Variants in DYNLRB2 observed in about 807,000 individuals in gnomAD.
DYNLRB2 encodes dynein light chain roadblock-type 2.
In DYNLRB2, 14 loss-of-function variants were observed where a neutral mutation model predicts 12.6. The observed-to-expected ratio is 1.11, with a 90% CI of 0.73 to 1.73. The LOEUF (loss-of-function observed/expected upper bound fraction) is 1.73, where lower values mean the gene tolerates loss of function less well. DYNLRB2 is among the 40% of genes most tolerant of loss of function. The pLI, the probability that DYNLRB2 is intolerant of heterozygous loss-of-function variation, is 0.00. For missense variants in DYNLRB2, 142 were observed against 117.7 expected (o/e 1.21, Z -0.95); for synonymous variants, 53 against 37.0 (o/e 1.43, Z -1.57).
chr16:80,545,833 G>T lies in DYNLRB2; in HGVS notation c.79+2482G>T, dbSNP rs528347669. 1.2e-4 allele frequency among the ~76,000 whole-genome samples: 11 copies of T among 92,764 alleles called. No individual in the cohort carries two copies. In the East Asian group the frequency reaches 3.1e-3, roughly 26 times the overall value. The allele number at this position is 92,764 out of a possible 152,430, so 60.9% of individuals were successfully genotyped here. A position where few individuals can be genotyped will look rare whatever the true frequency, so the allele number is the denominator to read the frequency against. On this transcript the variant is annotated intron_variant, in intron 2 of 3. Coordinates refer to ENST00000305904, the MANE Select transcript of DYNLRB2 (RefSeq NM_130897.3). ...TGGGACTACAGGCACCCGCCACCAC[G>T]CCTGGCTAATTTTTTGTTTTTTTTT...
chr16:80,546,447 AT>A (rs1904473716), intron 2 of DYNLRB2, among the ~76,000 whole-genome samples: 1 of 152,186 alleles, frequency 6.6e-6, no homozygotes, highest in Non-Finnish European at 1.5e-5. Context: ...ATGCTTATTC[AT>A]TTAGATATCA....
At position 80,550,807 on chromosome 16, in the gene DYNLRB2, A is replaced by T; in HGVS notation, c.*249A>T. The T allele has an allele frequency of 3.9e-6, 2 of 514,172 alleles. No individual in the cohort carries two copies. Among genetic ancestry groups the T allele is most frequent in the Non-Finnish European group, 6.9e-6 (2 of 291,318 alleles). The allele number at this position is 514,172 out of a possible 1,614,324, so 31.9% of individuals were successfully genotyped here. ...TATAATACACAAAACCAAGGATTCT[A>T]CTAAGACAGCGCTCCTTGTGATAAT... On this transcript the variant is annotated 3_prime_UTR_variant, in exon 4 of 4. Transcript: ENST00000305904.
intron 2 of DYNLRB2, 30 bp from the exon 3 acceptor site, chr16:80,549,454 A>T: frequency 6.5e-7 from 1 of 1,549,024 alleles, no homozygotes; most frequent in Non-Finnish European, 8.7e-7. Flanking sequence ...AATCAGAAAA[A>T]ATATTAACCA....
At position 80,541,424 on chromosome 16, in the gene DYNLRB2, G is replaced by A. The variant is rs367568029; in HGVS notation, c.3+345G>A. The A allele has an allele frequency of 2.9e-4, 288 of 983,514 alleles. 4 individuals are homozygous for A. In the South Asian group the frequency reaches 0.011, roughly 38 times the overall value. The allele number at this position is 983,514 out of a possible 1,614,324, so 60.9% of individuals were successfully genotyped here. ...GTTTCCAAAGAGGGGGCGGGAGGCC[G>A]AGATGGAGAGGAAAAAAAATCAGAC... On this transcript the variant is annotated intron_variant, in intron 1 of 3. Coordinates refer to ENST00000305904, the MANE Select transcript of DYNLRB2 (RefSeq NM_130897.3).
chr16:80,549,912 T>C (rs1904733252), intron 3 of DYNLRB2, among the ~76,000 whole-genome samples: 2 of 152,196 alleles, frequency 1.3e-5, no homozygotes, highest in Admixed American at 6.5e-5. Flanking sequence ...TTAGAAAATG[T>C]ACGTCTCATT....
chr16:80,548,741 AAT>A (rs200774862), intron 2 of DYNLRB2, among the ~76,000 whole-genome samples: 31,579 of 148,178 alleles, frequency 0.21, 3,446 homozygotes, highest in Middle Eastern at 0.29. Context: ...AAAAAAAAAA[AAT>A]AGAGCACCCA....
At chr16:80,546,113 T>TTATA (rs1296718407) in intron 2 of DYNLRB2, among the ~76,000 whole-genome samples, 4 of 152,232 alleles carry the variant, frequency 2.6e-5, no homozygotes, top group African/African-American at 2.4e-5. Context: ...AATGAGGGGC[T>TTATA]TATTTTTATG....
intron 2 of DYNLRB2, among the ~76,000 whole-genome samples, chr16:80,543,851 C>T (rs1290547219): frequency 3.3e-5 from 5 of 152,154 alleles, no homozygotes; most frequent in African/African-American, 1.2e-4. Flanking sequence ...TAAGAAGGCC[C>T]TACATATTTC....
intron 1 of DYNLRB2, 131 bp from the exon 2 acceptor site, chr16:80,543,145 T>C: frequency 2.4e-6 from 2 of 841,590 alleles, no homozygotes; most frequent in Non-Finnish European, 3.7e-6. Flanking sequence ...CTTTTAAAAA[T>C]CTGAGATTAT....
upstream of DYNLRB2, chr16:80,540,761 A>G (rs917223946): frequency 4.8e-5 from 34 of 702,634 alleles, no homozygotes; most frequent in Admixed American, 1.6e-4. Flanking sequence ...TCGTGCCTCA[A>G]TGAATGAATG....
intron 2 of DYNLRB2, among the ~76,000 whole-genome samples, chr16:80,546,016 A>T (rs1382782447): frequency 6.6e-6 from 1 of 152,152 alleles, no homozygotes; most frequent in Non-Finnish European, 1.5e-5. Context: ...ATAAGTTTGT[A>T]TTAGAATTCA....
rs947112227 is a variant in DYNLRB2 at position 80,541,452 on chromosome 16, T to C, written c.3+373T>C. 9.5e-6 allele frequency: 9 copies of C among 946,736 alleles called. No individual in the cohort carries two copies. The African/African-American group carries it at 1.6e-4, about 17-fold the overall frequency. 58.6% of individuals were successfully genotyped at this position (946,736 alleles called of 1,614,324 possible). A position where few individuals can be genotyped will look rare whatever the true frequency, so the allele number is the denominator to read the frequency against. On this transcript the variant is annotated intron_variant, in intron 1 of 3. Transcript: ENST00000305904. ...ATGGAGAGGAAAAAAAATCAGACCC[T>C]TAGAGAGAAGGAAGAGGTGGGACAG...
At chr16:80,548,520 G>C (rs1258801846) in intron 2 of DYNLRB2, among the ~76,000 whole-genome samples, 1 of 152,144 alleles carries the variant, frequency 6.6e-6, no homozygotes, top group South Asian at 2.1e-4. Context: ...CTGAGGTCAG[G>C]AGTTCAGCCT....
intron 2 of DYNLRB2, among the ~76,000 whole-genome samples, chr16:80,547,232 T>C (rs887506322): frequency 1.3e-5 from 2 of 152,206 alleles, no homozygotes; most frequent in African/African-American, 4.8e-5. Context: ...AGGTACAGAA[T>C]AGACAATGGT....
chr16:80,541,385 G>T, intron 1 of DYNLRB2: 1 of 984,648 alleles, frequency 1.0e-6, no homozygotes, highest in Non-Finnish European at 1.2e-6. Context: ...TGAGAAATCC[G>T]GGGAGCCAGG....
Position 80,550,714 on chromosome 16 carries a change from G to C in DYNLRB2, c.*156G>C. ...CTGCATGTCTCATTTAGTCCCTTTTGATTATATTGTGAAGTTGTACTTTAG... is the reference window on the plus strand; with the variant it reads ...CTGCATGTCTCATTTAGTCCCTTTTCATTATATTGTGAAGTTGTACTTTAG... On this transcript the variant is annotated 3_prime_UTR_variant, in exon 4 of 4. Coordinates refer to ENST00000305904, the MANE Select transcript of DYNLRB2 (RefSeq NM_130897.3). The C allele has an allele frequency of 2.6e-6, 2 of 776,168 alleles. No homozygotes were observed. The highest frequency in any genetic ancestry group is 4.2e-6 in the Non-Finnish European group (2 of 477,516). The allele number at this position is 776,168 out of a possible 1,614,324, so 48.1% of individuals were successfully genotyped here. A position where few individuals can be genotyped will look rare whatever the true frequency, so the allele number is the denominator to read the frequency against.
intron 2 of DYNLRB2, among the ~76,000 whole-genome samples, chr16:80,544,386 G>A (rs1039119807): frequency 6.6e-6 from 1 of 152,120 alleles, no homozygotes; most frequent in African/African-American, 2.4e-5. Context: ...GCAACTCAAG[G>A]CCAAATGAGT....
At chr16:80,550,463 C>G in intron 3 of DYNLRB2, 52 bp from the exon 4 acceptor site, 1 of 1,605,120 alleles carries the variant, frequency 6.2e-7, no homozygotes, top group South Asian at 1.1e-5. Context: ...TTGAAATATT[C>G]CTTGATTAAA....
At chr16:80,546,835 A>G (rs1157916054) in intron 2 of DYNLRB2, among the ~76,000 whole-genome samples, 1 of 152,250 alleles carries the variant, frequency 6.6e-6, no homozygotes, top group East Asian at 1.9e-4. Context: ...ATTTTGAAAT[A>G]CAATCTATCA....
Sources: gnomAD v4.1 joint callset for allele counts (sites outside exome capture counted in the v4.1 genomes callset) on GRCh38, gnomAD v4.1.1 for gene constraint, MANE v1.5 for transcripts, NCBI Gene and HGNC (gene_info 2026-07-23, HGNC 2026-07-21) for gene names.